GRID2: variants seen among roughly 807,000 people sequenced by gnomAD.
GRID2 encodes the protein glutamate receptor ionotropic, delta-2.
A neutral mutation model predicts 114.8 loss-of-function variants in GRID2; 33 were observed. That is an observed-to-expected ratio of 0.29 (90% CI 0.22 to 0.38). The LOEUF (loss-of-function observed/expected upper bound fraction) is 0.38. GRID2 is among the 10% of genes least tolerant of loss of function. The pLI, the probability that GRID2 is intolerant of heterozygous loss-of-function variation, is 1.00. For synonymous variants in GRID2, 505 were observed against 449.9 expected (o/e 1.12, Z -1.55); for missense variants, 1,184 against 1,257.7 (o/e 0.94, Z 0.89).
intron 8 of GRID2, among the ~76,000 whole-genome samples, chr4:93,354,080 A>T (rs922755513): frequency 6.6e-6 from 1 of 151,928 alleles, no homozygotes; most frequent in Non-Finnish European, 1.5e-5. Context: ...TACAATTATT[A>T]ACTTATTTTA....
At chr4:92,740,252 C>T (rs1736809020) in intron 2 of GRID2, among the ~76,000 whole-genome samples, 1 of 152,180 alleles carries the variant, frequency 6.6e-6, no homozygotes, top group Non-Finnish European at 1.5e-5. Context: ...AGCAAATTGT[C>T]CTGTGTGTCA....
intron 2 of GRID2, among the ~76,000 whole-genome samples, chr4:92,900,909 C>A (rs1040881864): frequency 7.6e-6 from 1 of 131,904 alleles, no homozygotes; most frequent in Admixed American, 8.2e-5. Flanking sequence ...GACATGATTT[C>A]ATGTTTTATG....
intron 14 of GRID2, among the ~76,000 whole-genome samples, chr4:93,695,160 G>C (rs1726907628): frequency 7.1e-6 from 1 of 140,088 alleles, no homozygotes; most frequent in African/African-American, 2.7e-5. Flanking sequence ...AACAGACTGA[G>C]ACTCCGTCTC....
At position 92,503,107 on chromosome 4, in the gene GRID2, G is replaced by A. The variant is rs546614448; in HGVS notation, c.89-87024G>A. 5.9e-5 allele frequency among the ~76,000 whole-genome samples: 9 copies of A among 152,120 alleles called. No individual in the cohort carries two copies. The East Asian group carries it at 7.8e-4, about 13-fold the overall frequency. On this transcript the variant is annotated intron_variant, in intron 1 of 15. Coordinates refer to ENST00000282020, the MANE Select transcript of GRID2 (RefSeq NM_001510.4). ...ACCTTGATCACAGTTTTATGTAAAC[G>A]CTTTCTTTCTAGAAATCCAGAAAGC...
intron 2 of GRID2, among the ~76,000 whole-genome samples, chr4:92,982,022 T>TAAAAAAAAA (rs1161216679): frequency 3.7e-5 from 3 of 80,200 alleles, no homozygotes; most frequent in African/African-American, 9.3e-5. Flanking sequence ...AAAGTACTGG[T>TAAAAAAAAA]AAAAAAAAAA....
rs188255244 is a variant in GRID2 at position 92,530,117 on chromosome 4, G to T, written c.89-60014G>T. On this transcript the variant is annotated intron_variant, in intron 1 of 15. Transcript: ENST00000282020. ...ACTTTACTCTAGGTACTGATTTTATGCAGGGAAAGTTCCTTGTTTAGAGAT... is the reference window on the plus strand; with the variant it reads ...ACTTTACTCTAGGTACTGATTTTATTCAGGGAAAGTTCCTTGTTTAGAGAT... 1.3e-4 allele frequency among the ~76,000 whole-genome samples: 20 copies of T among 151,604 alleles called. No homozygotes were observed. The East Asian group carries it at 3.9e-3, about 30-fold the overall frequency.
At chr4:92,349,812 A>G (rs1372509764) in intron 1 of GRID2, among the ~76,000 whole-genome samples, 2 of 151,854 alleles carry the variant, frequency 1.3e-5, no homozygotes, top group Non-Finnish European at 2.9e-5. Flanking sequence ...CAGATAATGA[A>G]AAGGAAACAT....
intron 2 of GRID2, among the ~76,000 whole-genome samples, chr4:93,034,765 A>G (rs918450603): frequency 6.6e-6 from 1 of 152,196 alleles, no homozygotes; most frequent in Non-Finnish European, 1.5e-5. Flanking sequence ...TTTTATACAC[A>G]GTATATTAAA....
At chr4:93,647,304 A>G (rs1487842776) in intron 14 of GRID2, among the ~76,000 whole-genome samples, 5 of 152,146 alleles carry the variant, frequency 3.3e-5, no homozygotes, top group Non-Finnish European at 7.4e-5. Context: ...CTGAAATCAA[A>G]TGTTCCTAAG....
chr4:92,483,132 G>A (rs1186240692), intron 1 of GRID2, among the ~76,000 whole-genome samples: 1 of 152,152 alleles, frequency 6.6e-6, no homozygotes, highest in Non-Finnish European at 1.5e-5. Context: ...AAGGTCAGGA[G>A]TTAGAAACCA....
chr4:92,351,290 C>T (rs1288856334), intron 1 of GRID2, among the ~76,000 whole-genome samples: 1 of 151,830 alleles, frequency 6.6e-6, no homozygotes, highest in East Asian at 1.9e-4. Flanking sequence ...TATATTTCTA[C>T]AAGCAATGTA....
chr4:92,889,974 C>T (rs541235795), intron 2 of GRID2, among the ~76,000 whole-genome samples: 57 of 152,196 alleles, frequency 3.7e-4, no homozygotes, highest in African/African-American at 1.2e-3. Flanking sequence ...CATTTACAAC[C>T]GTCTGATCTT....
At chr4:92,826,328 T>G (rs1233984165) in intron 2 of GRID2, among the ~76,000 whole-genome samples, 3 of 152,124 alleles carry the variant, frequency 2.0e-5, no homozygotes, top group African/African-American at 7.2e-5. Flanking sequence ...TTTACATTAA[T>G]CTTCCTCTCT....
At chr4:93,014,012 C>T (rs1304788925) in intron 2 of GRID2, among the ~76,000 whole-genome samples, 1 of 151,856 alleles carries the variant, frequency 6.6e-6, no homozygotes, top group Non-Finnish European at 1.5e-5. Flanking sequence ...ACCTATAAAA[C>T]AATTTATATG....
At position 92,918,284 on chromosome 4, in the gene GRID2, A is replaced by C. The variant is rs530826433; in HGVS notation, c.245-166711A>C. ...GATGGGATTTTCTAGATATACAATC[A>C]TGTCATCTGCAAACAGGGACAATTT... On this transcript the variant is annotated intron_variant, in intron 2 of 15. Coordinates refer to ENST00000282020, the MANE Select transcript of GRID2 (RefSeq NM_001510.4). Among the ~76,000 whole-genome samples, 8 of 152,308 alleles carry C rather than the reference A, an allele frequency of 5.3e-5. No individual in the cohort carries two copies. The South Asian group carries it at 8.3e-4, about 16-fold the overall frequency.
At chr4:92,408,299 C>G (rs1243484188) in intron 1 of GRID2, among the ~76,000 whole-genome samples, 1 of 151,862 alleles carries the variant, frequency 6.6e-6, no homozygotes, top group African/African-American at 2.4e-5. Context: ...TTCCACTGGT[C>G]GATGTGTCTG....
At chr4:92,370,787 A>G (rs1729081566) in intron 1 of GRID2, among the ~76,000 whole-genome samples, 1 of 152,146 alleles carries the variant, frequency 6.6e-6, no homozygotes, top group South Asian at 2.1e-4. Context: ...AAAGATAAGG[A>G]GTTATAAAAG....
chr4:92,519,600 A>ATT (rs1579507257), intron 1 of GRID2, among the ~76,000 whole-genome samples: 1 of 147,492 alleles, frequency 6.8e-6, no homozygotes. Flanking sequence ...TATATATGAG[A>ATT]TTATATATAT....
intron 1 of GRID2, among the ~76,000 whole-genome samples, chr4:92,502,906 C>T (rs541611776): frequency 3.0e-4 from 46 of 151,700 alleles, no homozygotes; most frequent in African/African-American, 9.4e-4. Context: ...TTAGTAGAGA[C>T]GGGGTTTCAC....
Sources: gnomAD v4.1 joint callset for allele counts (sites outside exome capture counted in the v4.1 genomes callset) on GRCh38, gnomAD v4.1.1 for gene constraint, MANE v1.5 for transcripts, NCBI Gene and HGNC (gene_info 2026-07-23, HGNC 2026-07-21) for gene names.